Variants in TFEC observed in about 807,000 individuals in gnomAD.
The protein encoded by TFEC is class E basic helix-loop-helix protein 34.
In TFEC, 31 loss-of-function variants were observed where a neutral mutation model predicts 41.6. The observed-to-expected ratio is 0.74, with a 90% CI of 0.56 to 1.01. The LOEUF (loss-of-function observed/expected upper bound fraction) is 1.01. Among genes scored for constraint, TFEC ranks in the 50% least tolerant of loss-of-function variants. TFEC has a pLI of 0.00. For synonymous variants in TFEC, 143 were observed against 140.6 expected, an observed-to-expected ratio of 1.02 and a Z score of -0.12; for missense variants, 402 against 404.1, an observed-to-expected ratio of 0.99 and a Z score of 0.04.
At chr7:116,113,780 ATAAACT>A (rs1303579285) in intron 1 of TFEC, among the ~76,000 whole-genome samples, 2 of 152,062 alleles carry the variant, frequency 1.3e-5, no homozygotes, top group East Asian at 1.9e-4. Context: ...ATAATTCAAC[ATAAACT>A]TAATCTTTCC....
At chr7:116,019,409 C>A (rs769363453) in intron 1 of TFEC, among the ~76,000 whole-genome samples, 7 of 152,186 alleles carry the variant, frequency 4.6e-5, no homozygotes, top group Non-Finnish European at 8.8e-5. Flanking sequence ...CCAAAGGTTG[C>A]AGCATCCAAC....
At chr7:116,153,416 G>A (rs768310021) in intron 1 of TFEC, among the ~76,000 whole-genome samples, 1 of 152,022 alleles carries the variant, frequency 6.6e-6, no homozygotes, top group Non-Finnish European at 1.5e-5. Context: ...CACCATGTCC[G>A]GCTAATTTTT....
At chr7:116,110,771 C>A in exon 3 of TFEC, 1 of 1,546,072 alleles carries the variant, frequency 6.5e-7, no homozygotes, top group South Asian at 1.2e-5. Flanking sequence ...GTCTATGCAA[C>A]ACTGGTTTGT....
At chr7:115,985,899 C>A (rs890991143) in intron 1 of TFEC, among the ~76,000 whole-genome samples, 1 of 152,046 alleles carries the variant, frequency 6.6e-6, no homozygotes, top group Admixed American at 6.6e-5. Flanking sequence ...ATGAAATATA[C>A]ATTATGAAGA....
intron 1 of TFEC, among the ~76,000 whole-genome samples, chr7:116,026,501 C>G (rs966430220): frequency 2.6e-5 from 4 of 152,168 alleles, no homozygotes; most frequent in African/African-American, 7.2e-5. Flanking sequence ...TCCTCCTCTA[C>G]TTGTACACCT....
rs1348540853 is a variant in TFEC, at chr7:116,024,213, A to T, written c.-73+6420T>A. Among the ~76,000 whole-genome samples the T allele has an allele frequency of 2.6e-5, 4 of 152,198 alleles. No individual in the cohort carries two copies. The South Asian group carries it at 6.2e-4, about 24-fold the overall frequency. On this transcript the variant is annotated intron_variant, in intron 1 of 7. Coordinates refer to ENST00000265440, the MANE Select transcript of TFEC (RefSeq NM_012252.4). The stretch of plus-strand genomic sequence containing the variant: ...GGCCTCATTATCCATGTGTAAGCCT[A>T]GAAACCATTTTTAGCAAAACCGTGA...
intron 6 of TFEC, among the ~76,000 whole-genome samples, chr7:115,944,463 A>G (rs1227686333): frequency 1.3e-5 from 2 of 151,484 alleles, no homozygotes; most frequent in Non-Finnish European, 2.9e-5. Flanking sequence ...CTCAACCTGT[A>G]CGTCTCAATT....
chr7:116,148,254 T>C (rs1326042810), intron 1 of TFEC, among the ~76,000 whole-genome samples: 9 of 152,132 alleles, frequency 5.9e-5, no homozygotes, highest in Admixed American at 1.3e-4. Context: ...CTCAGTGAGA[T>C]AGTAAATGAA....
At chr7:116,051,476 T>C (rs984679822) in intron 3 of TFEC, among the ~76,000 whole-genome samples, 1 of 152,172 alleles carries the variant, frequency 6.6e-6, no homozygotes. Flanking sequence ...CATTTCTCTC[T>C]CATGATGAGG....
chr7:116,113,424 A>G (rs1019164219), intron 1 of TFEC, among the ~76,000 whole-genome samples: 2 of 151,962 alleles, frequency 1.3e-5, no homozygotes, highest in African/African-American at 4.8e-5. Flanking sequence ...TTCTCCCTCT[A>G]AGCTCTCAAG....
At chr7:116,110,409 T>C (rs1343005265) in intron 3 of TFEC, among the ~76,000 whole-genome samples, 1 of 152,038 alleles carries the variant, frequency 6.6e-6, no homozygotes, top group Non-Finnish European at 1.5e-5. Context: ...CTCCAAAATA[T>C]CAAGTAGTAG....
chr7:116,076,684 C>T (rs1177509876), intron 3 of TFEC, among the ~76,000 whole-genome samples: 6 of 151,792 alleles, frequency 4.0e-5, no homozygotes, highest in Non-Finnish European at 5.9e-5. Flanking sequence ...TTTCAGAGCT[C>T]GAAGGTAAGG....
At chr7:115,959,318 A>G (rs904731634) in intron 3 of TFEC, among the ~76,000 whole-genome samples, 4 of 151,766 alleles carry the variant, frequency 2.6e-5, no homozygotes, top group African/African-American at 7.2e-5. Flanking sequence ...TCTGATAGAA[A>G]AAAGTGAACT....
chr7:116,146,659 A>G lies in TFEC; in HGVS notation c.-69+13131T>C, dbSNP rs1340504960. Among the ~76,000 whole-genome samples the G allele has an allele frequency of 4.6e-5, 7 of 152,314 alleles. No homozygotes were observed. The East Asian group carries it at 1.2e-3, about 25-fold the overall frequency. On this transcript the variant is annotated intron_variant, in intron 1 of 8. Coordinates refer to the TFEC transcript ENST00000484212. ...AACTCATTTTAATACATACCTTAAG[A>G]AAGTCCCATAGTTAATGCTCTGAGA...
At chr7:116,020,526 T>C (rs1326493093) in intron 1 of TFEC, among the ~76,000 whole-genome samples, 1 of 152,300 alleles carries the variant, frequency 6.6e-6, no homozygotes, top group East Asian at 1.9e-4. Context: ...AGTTCTCTCT[T>C]TTATTCAGGT....
intron 3 of TFEC, among the ~76,000 whole-genome samples, chr7:116,084,740 A>C (rs1797164541): frequency 6.6e-6 from 1 of 151,902 alleles, no homozygotes; most frequent in South Asian, 2.1e-4. Context: ...TATGTTTTTC[A>C]AAATCTTTTA....
Position 115,935,450 on chromosome 7 carries a change from T to C in TFEC, c.*5101A>G, listed in dbSNP as rs1024676281. 6.6e-6 allele frequency: 1 copy of C among 152,098 alleles called. No individual in the cohort carries two copies. The highest frequency in any genetic ancestry group is 1.5e-5 in the Non-Finnish European group (1 of 67,642). 9.4% of individuals were successfully genotyped at this position (152,098 alleles called of 1,614,324 possible). On this transcript the variant is annotated 3_prime_UTR_variant, in exon 8 of 8. Transcript: ENST00000265440. ...TCAAAGATTTTTAACTACATAATAA[T>C]TATTAAGATTAAATAGCTGAATTAA...
chr7:116,129,752 T>C (rs1158626277), intron 1 of TFEC, among the ~76,000 whole-genome samples: 1 of 151,850 alleles, frequency 6.6e-6, no homozygotes, highest in Non-Finnish European at 1.5e-5. Flanking sequence ...GAGACCAACC[T>C]GGCCAACATG....
intron 2 of TFEC, chr7:116,111,927 G>T: frequency 1.2e-6 from 1 of 815,830 alleles, no homozygotes; most frequent in Non-Finnish European, 1.5e-6. Context: ...GATAGTACTT[G>T]ATTGAATAAA....
Sources: gnomAD v4.1 joint callset for allele counts (sites outside exome capture counted in the v4.1 genomes callset) on GRCh38, gnomAD v4.1.1 for gene constraint, MANE v1.5 for transcripts, NCBI Gene and HGNC (gene_info 2026-07-23, HGNC 2026-07-21) for gene names.